SGMS1: variants seen among roughly 807,000 people sequenced by gnomAD.
SGMS1 encodes the protein phosphatidylcholine:ceramide cholinephosphotransferase 1.
A neutral mutation model predicts 46.2 loss-of-function variants in SGMS1; 13 were observed. The ratio of observed to expected loss-of-function variants is 0.28; its 90% CI spans 0.18 to 0.45. The LOEUF (loss-of-function observed/expected upper bound fraction) is 0.45, where lower values mean the gene tolerates loss of function less well. Among genes scored for constraint, SGMS1 ranks in the 20% least tolerant of loss-of-function variants. The probability of loss-of-function intolerance (pLI) is 1.00; values close to 1 mark genes in which losing one functional copy is unlikely to be tolerated. For synonymous variants in SGMS1, 203 were observed against 187.8 expected (o/e 1.08, Z -0.66); for missense variants, 324 against 519.9 (o/e 0.62, Z 3.66).
intron 2 of SGMS1, among the ~76,000 whole-genome samples, chr10:50,542,985 C>T (rs1838069038): frequency 6.6e-6 from 1 of 152,034 alleles, no homozygotes; most frequent in African/African-American, 2.4e-5. Flanking sequence ...TTCCTTCAAA[C>T]ACACACAGTG....
chr10:50,598,807 A>T (rs1463718981), intron 1 of SGMS1, among the ~76,000 whole-genome samples: 1 of 152,222 alleles, frequency 6.6e-6, no homozygotes, highest in Non-Finnish European at 1.5e-5. Context: ...GAAGCATGTG[A>T]TCTTGAAGGT....
chr10:50,418,344 C>G (rs568819981), intron 6 of SGMS1: 1 of 152,476 alleles, frequency 6.6e-6, no homozygotes, highest in African/African-American at 2.4e-5. Flanking sequence ...CGCCGATCCT[C>G]TCCCGGGGGG....
intron 2 of SGMS1, among the ~76,000 whole-genome samples, chr10:50,527,063 CA>C (rs573386594): frequency 0.022 from 1,998 of 90,526 alleles, 4 homozygotes; most frequent in South Asian, 0.039. Flanking sequence ...GACTCTGTCT[CA>C]AAAAAAAAAA....
rs146699141 is a variant in SGMS1 at position 50,308,048 on chromosome 10, G to A, written c.996C>T (p.Asp332=). The change falls in exon 10 of 11, where the codon GAC becomes GAT. Residue 332 remains aspartate, a synonymous_variant. Transcript: ENST00000361781. The part of the protein sequence containing the change: ...ILLAHDHYTV[D]VVVAYYITTR... Reference sequence around the variant, plus strand: ...TGGTGATGTAATATGCCACCACCACGTCCACAGTGTAGTGGTCATGCGCTA... The same window carrying A: ...TGGTGATGTAATATGCCACCACCACATCCACAGTGTAGTGGTCATGCGCTA... 1.8e-3 allele frequency: 2,894 copies of A among 1,613,850 alleles called. 4 individuals carry two copies. The highest frequency in any genetic ancestry group is 2.2e-3 in the Non-Finnish European group (2,645 of 1,179,808).
intron 3 of SGMS1, among the ~76,000 whole-genome samples, chr10:50,504,559 A>G (rs1255536653): frequency 6.6e-6 from 1 of 152,206 alleles, no homozygotes; most frequent in East Asian, 1.9e-4. Context: ...GTAAGTGACA[A>G]AAGGCAATTC....
intron 3 of SGMS1, among the ~76,000 whole-genome samples, chr10:50,470,772 CCT>C (rs1337535290): frequency 6.6e-6 from 1 of 152,042 alleles, no homozygotes; most frequent in Non-Finnish European, 1.5e-5. Flanking sequence ...TTACAGAGCT[CCT>C]CTCTCAAAAC....
At chr10:50,447,259 A>G (rs1837030058) in intron 5 of SGMS1, among the ~76,000 whole-genome samples, 1 of 152,198 alleles carries the variant, frequency 6.6e-6, no homozygotes, top group Non-Finnish European at 1.5e-5. Flanking sequence ...CTAAATTCCT[A>G]CTATAATCCA....
At chr10:50,376,278 C>T (rs1848520330) in intron 6 of SGMS1, among the ~76,000 whole-genome samples, 1 of 152,264 alleles carries the variant, frequency 6.6e-6, no homozygotes, top group Non-Finnish European at 1.5e-5. Flanking sequence ...AGTGAATTAC[C>T]TGTCACCAGT....
chr10:50,623,640 C>G, intron 1 of SGMS1, 67 bp downstream of exon 1: 7 of 985,348 alleles, frequency 7.1e-6, no homozygotes, highest in Non-Finnish European at 8.4e-6. Context: ...GCCGGGCCCG[C>G]GAGACAGGTG....
chr10:50,320,696 C>A (rs1847427202), intron 8 of SGMS1, among the ~76,000 whole-genome samples: 1 of 152,190 alleles, frequency 6.6e-6, no homozygotes, highest in Non-Finnish European at 1.5e-5. Flanking sequence ...TGTCCAGATA[C>A]ATCTAACTTG....
chr10:50,571,579 A>T (rs1386482404), intron 2 of SGMS1, among the ~76,000 whole-genome samples: 4 of 152,200 alleles, frequency 2.6e-5, no homozygotes, highest in Non-Finnish European at 5.9e-5. Flanking sequence ...ATATAGTAAT[A>T]TATAATAGAA....
intron 6 of SGMS1, among the ~76,000 whole-genome samples, chr10:50,363,403 T>G (rs1848285485): frequency 2.0e-5 from 3 of 152,188 alleles, no homozygotes; most frequent in African/African-American, 4.8e-5. Context: ...TATGAGGAAT[T>G]GGTGGCATCA....
At chr10:50,369,665 T>C (rs1228519870) in intron 6 of SGMS1, among the ~76,000 whole-genome samples, 1 of 152,162 alleles carries the variant, frequency 6.6e-6, no homozygotes, top group Non-Finnish European at 1.5e-5. Flanking sequence ...TGCCATTCTT[T>C]AGCTATCAAG....
intron 1 of SGMS1, among the ~76,000 whole-genome samples, chr10:50,595,886 C>A (rs1335003345): frequency 6.6e-6 from 1 of 152,124 alleles, no homozygotes; most frequent in Non-Finnish European, 1.5e-5. Context: ...CGACTGGGTT[C>A]CACTGGGCAG....
At position 50,324,968 on chromosome 10, in the gene SGMS1, A is replaced by C. The variant is rs1276868411; in HGVS notation, c.741+2237T>G. Among the ~76,000 whole-genome samples, 3 of 152,218 alleles carry C rather than the reference A, an allele frequency of 2.0e-5. No homozygotes were observed. The East Asian group carries it at 5.8e-4, about 29-fold the overall frequency. ...CCCTAATTTATACAAACCAACTGTAAAAAAAGGAAAAGCATTTTAAGACAA... is the reference window on the plus strand; with the variant it reads ...CCCTAATTTATACAAACCAACTGTACAAAAAGGAAAAGCATTTTAAGACAA... On this transcript the variant is annotated intron_variant, in intron 8 of 10. Coordinates refer to ENST00000361781, the MANE Select transcript of SGMS1 (RefSeq NM_147156.4).
At chr10:50,318,511 G>A (rs1390280863) in intron 8 of SGMS1, among the ~76,000 whole-genome samples, 1 of 152,182 alleles carries the variant, frequency 6.6e-6, no homozygotes, top group East Asian at 1.9e-4. Context: ...TCTTAAGGGA[G>A]AACTCAATGC....
At chr10:50,341,753 A>T (rs1847824965) in intron 7 of SGMS1, among the ~76,000 whole-genome samples, 1 of 152,172 alleles carries the variant, frequency 6.6e-6, no homozygotes, top group Non-Finnish European at 1.5e-5. Context: ...ATTTAAATAT[A>T]TAAATGACTA....
chr10:50,598,511 T>C (rs1398957661), intron 1 of SGMS1, among the ~76,000 whole-genome samples: 2 of 152,184 alleles, frequency 1.3e-5, no homozygotes, highest in African/African-American at 4.8e-5. Context: ...TTAAAAATCA[T>C]AGAAATAACT....
intron 6 of SGMS1, among the ~76,000 whole-genome samples, chr10:50,381,276 A>T (rs887365595): frequency 6.6e-6 from 1 of 151,986 alleles, no homozygotes; most frequent in African/African-American, 2.4e-5. Context: ...AAAGAAAAAA[A>T]AAAAGAAGAA....
Sources: allele counts gnomAD v4.1 joint callset (sites outside exome capture counted in the v4.1 genomes callset), GRCh38; gene constraint gnomAD v4.1.1; transcripts MANE v1.5; gene names NCBI Gene and HGNC (gene_info 2026-07-23, HGNC 2026-07-21).